Variants in DPP10 observed in about 807,000 individuals in gnomAD.
DPP10 encodes inactive dipeptidyl peptidase 10.
A neutral mutation model predicts 120.9 loss-of-function variants in DPP10; 33 were observed. That is an observed-to-expected ratio of 0.27 (90% CI 0.21 to 0.37). DPP10 has a LOEUF of 0.37. DPP10 is among the 10% of genes least tolerant of loss of function. The probability of loss-of-function intolerance (pLI) is 1.00; values close to 1 mark genes in which losing one functional copy is unlikely to be tolerated. For missense variants in DPP10, 816 were observed against 942.8 expected (o/e 0.87, Z 1.76); for synonymous variants, 337 against 326.1 (o/e 1.03, Z -0.36).
At chr2:114,593,767 C>T (rs986903834) in intron 1 of DPP10, among the ~76,000 whole-genome samples, 18 of 152,058 alleles carry the variant, frequency 1.2e-4, no homozygotes, top group East Asian at 3.9e-4. Context: ...GGGGGATTGG[C>T]GGGGAGAAGT....
At chr2:115,056,233 T>C (rs559872879) in intron 1 of DPP10, among the ~76,000 whole-genome samples, 5 of 152,200 alleles carry the variant, frequency 3.3e-5, no homozygotes, top group Admixed American at 3.3e-4. Flanking sequence ...AGAAAATATA[T>C]ATGAGTCAAG....
intron 1 of DPP10, among the ~76,000 whole-genome samples, chr2:114,613,506 C>T (rs1693440246): frequency 6.6e-6 from 1 of 152,150 alleles, no homozygotes; most frequent in Non-Finnish European, 1.5e-5. Flanking sequence ...ATTGCTTTTA[C>T]ACTGTTGGTG....
chr2:115,717,398 A>T (rs2092530850), intron 7 of DPP10, among the ~76,000 whole-genome samples: 1 of 152,154 alleles, frequency 6.6e-6, no homozygotes, highest in South Asian at 2.1e-4. Context: ...AATAAAAAAT[A>T]AATAAATAAA....
At position 114,442,880 on chromosome 2, in the gene DPP10, C is replaced by T. The variant is rs761818687; in HGVS notation, c.60+42C>T. ...CCCTCTGCTTCTGCACATGTGTCTT[C>T]ATTCATCTACCTAACACATGGGCAT... On this transcript the variant is annotated intron_variant, in intron 1 of 25. Transcript: ENST00000410059. 1.3e-5 allele frequency: 21 copies of T among 1,607,832 alleles called. No homozygotes were observed. In the East Asian group the frequency reaches 4.7e-4, roughly 36 times the overall value.
At chr2:115,630,922 T>C (rs1483372388) in intron 5 of DPP10, among the ~76,000 whole-genome samples, 2 of 152,132 alleles carry the variant, frequency 1.3e-5, no homozygotes, top group East Asian at 1.9e-4. Context: ...CTGCATAAGA[T>C]GAATTAAAGA....
chr2:115,313,574 A>G (rs1335215876), intron 2 of DPP10, among the ~76,000 whole-genome samples: 2 of 152,182 alleles, frequency 1.3e-5, no homozygotes, highest in Non-Finnish European at 2.9e-5. Flanking sequence ...ATGTTTTAGA[A>G]ACTGTTTTAC....
chr2:114,846,833 A>G (rs1688583720), intron 1 of DPP10, among the ~76,000 whole-genome samples: 1 of 152,168 alleles, frequency 6.6e-6, no homozygotes, highest in Admixed American at 6.6e-5. Context: ...ATTGTGCTTC[A>G]TTGGGGTCCA....
intron 1 of DPP10, among the ~76,000 whole-genome samples, chr2:114,590,491 C>T (rs1691372323): frequency 1.3e-5 from 2 of 152,146 alleles, no homozygotes; most frequent in Admixed American, 1.3e-4. Flanking sequence ...GCTAAAGGCA[C>T]AATACATGTT....
chr2:115,132,450 T>C (rs1025405983), intron 1 of DPP10, among the ~76,000 whole-genome samples: 4 of 152,196 alleles, frequency 2.6e-5, no homozygotes, highest in Non-Finnish European at 4.4e-5. Flanking sequence ...TTTCAAAATA[T>C]GTCAAAGAAA....
intron 3 of DPP10, among the ~76,000 whole-genome samples, chr2:115,418,414 T>TGA (rs746513133): frequency 6.6e-6 from 1 of 151,564 alleles, no homozygotes; most frequent in Non-Finnish European, 1.5e-5. Context: ...AGTGAGAGAC[T>TGA]GAGAGAGAGA....
chr2:114,834,729 G>GTCTACGCACCTATGTATATATAAGCCATA (rs1687523333), intron 1 of DPP10, among the ~76,000 whole-genome samples: 1 of 66,184 alleles, frequency 1.5e-5, no homozygotes, highest in African/African-American at 5.3e-5. Flanking sequence ...TATAAGCCAT[G>GTCTACGCACCTATGTATATATAAGCCATA]TCTACGCACC....
chr2:114,728,349 G>A (rs552379271), intron 1 of DPP10, among the ~76,000 whole-genome samples: 1 of 152,226 alleles, frequency 6.6e-6, no homozygotes, highest in East Asian at 1.9e-4. Context: ...CAAGATTTTG[G>A]AGTTAAACCC....
chr2:115,385,501 G>A (rs541626995), intron 3 of DPP10, among the ~76,000 whole-genome samples: 13 of 151,996 alleles, frequency 8.6e-5, no homozygotes, highest in African/African-American at 2.2e-4. Context: ...GATTACAGGC[G>A]CCCGCCACCA....
intron 1 of DPP10, among the ~76,000 whole-genome samples, chr2:115,006,428 A>G (rs1701845450): frequency 1.3e-5 from 2 of 151,856 alleles, no homozygotes; most frequent in African/African-American, 2.4e-5. Flanking sequence ...CTGGCAAATT[A>G]GATAAAGAGT....
chr2:115,786,740 T>G (rs1683389067), intron 17 of DPP10, among the ~76,000 whole-genome samples: 1 of 152,204 alleles, frequency 6.6e-6, no homozygotes, highest in Admixed American at 6.5e-5. Context: ...CAGAAAATGA[T>G]ATTCAGAAAG....
chr2:114,941,023 A>G (rs1039905201), intron 1 of DPP10, among the ~76,000 whole-genome samples: 1 of 152,238 alleles, frequency 6.6e-6, no homozygotes, highest in African/African-American at 2.4e-5. Flanking sequence ...GGAAGGCCAC[A>G]CACTCTCAAT....
chr2:114,893,195 C>T (rs1164429462), intron 1 of DPP10, among the ~76,000 whole-genome samples: 1 of 152,144 alleles, frequency 6.6e-6, no homozygotes, highest in African/African-American at 2.4e-5. Context: ...TGTCAAGAAA[C>T]ATCAATCTTA....
At chr2:114,498,599 GT>G (rs1439361435) in intron 1 of DPP10, among the ~76,000 whole-genome samples, 1 of 152,158 alleles carries the variant, frequency 6.6e-6, no homozygotes, top group Non-Finnish European at 1.5e-5. Context: ...GGTTGTTCTT[GT>G]TGCATTGTCC....
At chr2:115,671,514 A>T (rs1264976363) in intron 5 of DPP10, among the ~76,000 whole-genome samples, 1 of 151,956 alleles carries the variant, frequency 6.6e-6, no homozygotes, top group African/African-American at 2.4e-5. Flanking sequence ...CACTGGTAGC[A>T]TGGCTAGTGC....
Sources: allele counts gnomAD v4.1 joint callset (sites outside exome capture counted in the v4.1 genomes callset), GRCh38; gene constraint gnomAD v4.1.1; transcripts MANE v1.5; gene names NCBI Gene and HGNC (gene_info 2026-07-23, HGNC 2026-07-21).